Variants in WWC2 observed in about 807,000 individuals in gnomAD.
WWC2 encodes WW and C2 domain containing 2, also known as protein WWC2.
WWC2 carries 101 observed loss-of-function variants against 138.5 expected under a neutral mutation model. The ratio of observed to expected loss-of-function variants is 0.73; its 90% CI spans 0.62 to 0.86. The LOEUF (loss-of-function observed/expected upper bound fraction) is 0.86, where lower values mean the gene tolerates loss of function less well. WWC2 is among the 40% of genes least tolerant of loss of function. WWC2 has a pLI of 0.00. For missense variants in WWC2, 1,420 were observed against 1,419.4 expected (o/e 1.00, Z -0.01); for synonymous variants, 558 against 538.4 (o/e 1.04, Z -0.50).
At chr4:183,159,113 C>T (rs6552644) in intron 1 of WWC2, among the ~76,000 whole-genome samples, 149,481 of 152,298 alleles carry the variant, frequency 0.98, 73,410 homozygotes, top group Middle Eastern at 1. Flanking sequence ...TCTCATTATG[C>T]TAAAGTTGTT....
chr4:183,306,890 A>AAAAAAAAAAAAAAC, intron 21 of WWC2, among the ~76,000 whole-genome samples: 1 of 151,608 alleles, frequency 6.6e-6, no homozygotes, highest in African/African-American at 2.4e-5. Flanking sequence ...GCAAAAAAAA[A>AAAAAAAAAAAAAAC]AAAAAAACTA....
intron 4 of WWC2, among the ~76,000 whole-genome samples, chr4:183,218,346 TA>T (rs997511338): frequency 4.0e-4 from 58 of 143,834 alleles, no homozygotes; most frequent in Admixed American, 6.3e-4. Flanking sequence ...AGCTATTACT[TA>T]AAAAAAAAAA....
Position 183,312,159 on chromosome 4 carries a change from C to T in WWC2, c.3385-182C>T, listed in dbSNP as rs373473208. Among the ~76,000 whole-genome samples the T allele has an allele frequency of 3.7e-4, 57 of 152,260 alleles. No homozygotes were observed. In the South Asian group the frequency reaches 0.01, roughly 28 times the overall value. On this transcript the variant is annotated intron_variant, in intron 21 of 22. Coordinates refer to ENST00000403733, the MANE Select transcript of WWC2 (RefSeq NM_024949.6). ...GAACTTACCCCAAAATCAACATATG[C>T]ACAGCATGAGTTGGTCATGTGGGTG...
intron 6 of WWC2, among the ~76,000 whole-genome samples, chr4:183,246,030 G>T (rs1736769932): frequency 6.6e-6 from 1 of 152,180 alleles, no homozygotes. Context: ...GTGGGGCGGG[G>T]AGTGCTGACC....
chr4:183,146,038 G>C (rs1443567361), intron 1 of WWC2, among the ~76,000 whole-genome samples: 1 of 152,188 alleles, frequency 6.6e-6, no homozygotes, highest in Non-Finnish European at 1.5e-5. Flanking sequence ...ATCTCATATC[G>C]ATGGTAGGAA....
intron 1 of WWC2, among the ~76,000 whole-genome samples, chr4:183,159,371 C>G (rs967197877): frequency 6.6e-6 from 1 of 152,130 alleles, no homozygotes; most frequent in Non-Finnish European, 1.5e-5. Flanking sequence ...GCCATTACTG[C>G]TGCTACTCAG....
intron 1 of WWC2, among the ~76,000 whole-genome samples, chr4:183,129,759 A>C (rs1486173063): frequency 1.3e-5 from 2 of 152,186 alleles, no homozygotes; most frequent in Non-Finnish European, 2.9e-5. Flanking sequence ...TACTTATTAC[A>C]TTTAGTTTAA....
At chr4:183,221,723 T>C (rs1452427862) in intron 4 of WWC2, among the ~76,000 whole-genome samples, 1 of 152,210 alleles carries the variant, frequency 6.6e-6, no homozygotes, top group Non-Finnish European at 1.5e-5. Flanking sequence ...AAATACACTG[T>C]ATAAACATTT....
chr4:183,104,141 T>A (rs1743279009), intron 1 of WWC2, among the ~76,000 whole-genome samples: 1 of 152,162 alleles, frequency 6.6e-6, no homozygotes, highest in African/African-American at 2.4e-5. Context: ...TCGTAGTTTT[T>A]TTTAGTAGAG....
At chr4:183,136,698 G>A (rs1023270022) in intron 1 of WWC2, among the ~76,000 whole-genome samples, 13 of 152,158 alleles carry the variant, frequency 8.5e-5, no homozygotes, top group African/African-American at 3.1e-4. Flanking sequence ...ACACAAATTC[G>A]TAAACTATCT....
chr4:183,246,165 A>T (rs1052442466), intron 6 of WWC2, among the ~76,000 whole-genome samples: 3 of 152,190 alleles, frequency 2.0e-5, no homozygotes, highest in African/African-American at 7.2e-5. Context: ...CATGTGTAGA[A>T]AACACAAAAT....
intron 9 of WWC2, among the ~76,000 whole-genome samples, chr4:183,255,092 A>G (rs1236407500): frequency 1.3e-5 from 2 of 152,240 alleles, no homozygotes. Flanking sequence ...GATCAAGGTA[A>G]CACGCAGCCT....
intron 4 of WWC2, among the ~76,000 whole-genome samples, chr4:183,223,752 G>A (rs1171786509): frequency 1.3e-5 from 2 of 151,910 alleles, no homozygotes; most frequent in African/African-American, 4.8e-5. Context: ...GTCTCACCTT[G>A]TCTTACCCAG....
At chr4:183,294,824 T>C (rs1282814625) in intron 21 of WWC2, among the ~76,000 whole-genome samples, 1 of 152,166 alleles carries the variant, frequency 6.6e-6, no homozygotes, top group African/African-American at 2.4e-5. Flanking sequence ...TGATGAATGG[T>C]TCAAGGTTTG....
intron 2 of WWC2, among the ~76,000 whole-genome samples, chr4:183,207,722 T>C (rs1735485056): frequency 6.6e-6 from 1 of 152,132 alleles, no homozygotes; most frequent in African/African-American, 2.4e-5. Context: ...TTGACAACAT[T>C]GTGTGTGGTA....
At position 183,266,154 on chromosome 4, in the gene WWC2, C is replaced by A. The variant is rs896460500; in HGVS notation, c.2207+203C>A. Reference sequence around the variant, plus strand: ...AGTTTTAATTCTTACTCAACTGATTCTTTCTAAGAGTAGAAGCCAAGACAT... The same window carrying A: ...AGTTTTAATTCTTACTCAACTGATTATTTCTAAGAGTAGAAGCCAAGACAT... On this transcript the variant is annotated intron_variant, in intron 14 of 22. Coordinates refer to ENST00000403733, the MANE Select transcript of WWC2 (RefSeq NM_024949.6). 2.0e-5 allele frequency among the ~76,000 whole-genome samples: 3 copies of A among 152,142 alleles called. No homozygotes were observed. The East Asian group carries it at 5.8e-4, about 29-fold the overall frequency.
chr4:183,298,484 G>C (rs918937301), intron 21 of WWC2, among the ~76,000 whole-genome samples: 1 of 152,214 alleles, frequency 6.6e-6, no homozygotes, highest in Admixed American at 6.5e-5. Context: ...GGAGACCCAT[G>C]AGTGCTTGTG....
At chr4:183,241,445 C>T (rs891393418) in intron 5 of WWC2, among the ~76,000 whole-genome samples, 7 of 152,226 alleles carry the variant, frequency 4.6e-5, no homozygotes, top group African/African-American at 9.7e-5. Flanking sequence ...ACCAGTCAGA[C>T]GCATGACTTT....
At chr4:183,110,432 ATTTTTT>A (rs545128013) in intron 1 of WWC2, among the ~76,000 whole-genome samples, 9 of 117,390 alleles carry the variant, frequency 7.7e-5, no homozygotes, top group Non-Finnish European at 1.1e-4. Context: ...CTGTAGAGCT[ATTTTTT>A]TTTTTTTTTT....
Sources: gnomAD v4.1 joint callset for allele counts (sites outside exome capture counted in the v4.1 genomes callset) on GRCh38, gnomAD v4.1.1 for gene constraint, MANE v1.5 for transcripts, NCBI Gene and HGNC (gene_info 2026-07-23, HGNC 2026-07-21) for gene names.